The following CCNL1 variants were observed in gnomAD, a reference collection of about 807,000 sequenced individuals.
CCNL1 encodes the protein cyclin L1, also known as cyclin-L1.
CCNL1 carries 13 observed loss-of-function variants against 60.6 expected under a neutral mutation model. The ratio of observed to expected loss-of-function variants is 0.21; its 90% CI spans 0.14 to 0.34. CCNL1 has a LOEUF of 0.34. CCNL1 is among the 10% of genes least tolerant of loss of function. The pLI is 1.00. For synonymous variants in CCNL1, 270 were observed against 244.3 expected (o/e 1.10, Z -0.98); for missense variants, 481 against 664.3 (o/e 0.72, Z 3.03).
chr3:157,156,890 A>G (rs1738669252), intron 3 of CCNL1: 6 of 1,279,340 alleles, frequency 4.7e-6, no homozygotes, highest in Middle Eastern at 2.3e-4. Flanking sequence ...ACAAAAGCTT[A>G]TAACAAGAAA....
chr3:157,144,474 T>C (rs529435019), downstream of CCNL1, among the ~76,000 whole-genome samples: 66 of 152,346 alleles, frequency 4.3e-4, 1 homozygote, highest in South Asian at 0.013. Flanking sequence ...AGGAATGATT[T>C]AAAATGCAGA....
intron 3 of CCNL1, chr3:157,153,452 T>C: frequency 4.2e-6 from 1 of 238,086 alleles, no homozygotes; most frequent in East Asian, 1.1e-4. Context: ...TAGGTGTGTA[T>C]ATATATGTAT....
rs2108106263 is a variant in CCNL1, at chr3:157,147,765, A to C, written c.*476T>G. ...TTTGCTATTAAAATTTTCCTTTTTA[A>C]TAATTTATTTAAATAAGGTATTTGA... On this transcript the variant is annotated 3_prime_UTR_variant, in exon 11 of 11. Coordinates refer to ENST00000295926, the MANE Select transcript of CCNL1 (RefSeq NM_020307.4). 1.0e-6 allele frequency: 1 copy of C among 980,538 alleles called. No homozygotes were observed. The highest frequency in any genetic ancestry group is 1.7e-5 in the African/African-American group (1 of 57,288). 60.7% of individuals were successfully genotyped at this position (980,538 alleles called of 1,614,324 possible). A position where few individuals can be genotyped will look rare whatever the true frequency, so the allele number is the denominator to read the frequency against.
chr3:157,149,251 A>G, intron 10 of CCNL1, 36 bp downstream of exon 10: 10 of 1,497,124 alleles, frequency 6.7e-6, no homozygotes, highest in Non-Finnish European at 9.3e-6. Flanking sequence ...TAAAAACTCC[A>G]AATAAGACTG....
rs984174646 is a variant in CCNL1 at position 157,155,898 on chromosome 3, CACAA to C, written c.489-2746_489-2743del. On this transcript the variant is annotated intron_variant, in intron 3 of 10. Coordinates refer to ENST00000295926, the MANE Select transcript of CCNL1 (RefSeq NM_020307.4). The stretch of plus-strand genomic sequence containing the variant: ...TCAAAAATAATTTTCATTATCAACA[CACAA>C]ACTAACTCAATCTCTGCTTTAAGTT... Among the ~76,000 whole-genome samples the C allele has an allele frequency of 1.4e-4, 21 of 152,286 alleles. No individual in the cohort carries two copies. The South Asian group carries it at 2.7e-3, about 20-fold the overall frequency.
At chr3:157,158,018 T>C (rs1456509724) in intron 3 of CCNL1, among the ~76,000 whole-genome samples, 1 of 152,226 alleles carries the variant, frequency 6.6e-6, no homozygotes, top group African/African-American at 2.4e-5. Context: ...AAAGAGTGAA[T>C]GCAAAAACTA....
chr3:157,154,506 A>G (rs893259492), intron 3 of CCNL1: 1 of 152,218 alleles, frequency 6.6e-6, no homozygotes, highest in African/African-American at 2.4e-5. Flanking sequence ...AATGCACACC[A>G]GATCCAGAAA....
Position 157,149,392 on chromosome 3 carries a change from A to C in CCNL1, c.1134-7T>G. 1 of 1,613,360 alleles carries C rather than the reference A, an allele frequency of 6.2e-7. No homozygotes were observed. The highest frequency in any genetic ancestry group is 8.5e-7 in the Non-Finnish European group (1 of 1,179,346). On this transcript the variant is annotated splice_region_variant and splice_polypyrimidine_tract_variant and intron_variant, in intron 9 of 10. Coordinates refer to ENST00000295926, the MANE Select transcript of CCNL1 (RefSeq NM_020307.4). ...CTTGCTGTCTTTTCTTACACTTCAA[A>C]AAATCATGACATATTAGTTACAAAC...
Position 157,147,640 on chromosome 3 carries a change from T to TA in CCNL1, c.*600dup, listed in dbSNP as rs1193573508. On this transcript the variant is annotated 3_prime_UTR_variant, in exon 11 of 11. Transcript: ENST00000295926. ...TTTTTCCATATATACAGTGAAGACT[T>TA]ACAATAGCTCACAATGCAGTTAAGA... 3 of 984,962 alleles carry TA rather than the reference T, an allele frequency of 3.0e-6. No homozygotes were observed. Among genetic ancestry groups the TA allele is most frequent in the Admixed American group, 6.2e-5 (1 of 16,254 alleles). The allele number at this position is 984,962 out of a possible 1,614,324, so 61.0% of individuals were successfully genotyped here. A position where few individuals can be genotyped will look rare whatever the true frequency, so the allele number is the denominator to read the frequency against.
intron 2 of CCNL1, 114 bp downstream of exon 2, chr3:157,159,291 A>C: frequency 1.1e-6 from 1 of 914,054 alleles, no homozygotes; most frequent in Non-Finnish European, 1.7e-6. Flanking sequence ...AGAAGTAGGT[A>C]CAAAGGCCTA....
downstream of CCNL1, among the ~76,000 whole-genome samples, chr3:157,145,299 G>C (rs983766151): frequency 6.6e-6 from 1 of 151,852 alleles, no homozygotes; most frequent in Non-Finnish European, 1.5e-5. Flanking sequence ...TAGCCAGGGC[G>C]TGGTGGCAGG....
Position 157,159,935 on chromosome 3 carries a change from T to C in CCNL1, c.160A>G (p.Ile54Val). 1.2e-6 allele frequency: 2 copies of C among 1,606,208 alleles called. No homozygotes were observed. The highest frequency in any genetic ancestry group is 1.7e-6 in the Non-Finnish European group (2 of 1,176,340). The change falls in exon 1 of 11, where the codon ATC becomes GTC. Residue 54 changes from isoleucine (I) to valine (V), a missense_variant. Around this residue, in one of 5 missense-constraint regions of CCNL1, gnomAD observed 130 missense variants for 174.5 expected, o/e 0.75. Coordinates refer to ENST00000295926, the MANE Select transcript of CCNL1 (RefSeq NM_020307.4). ...TCCTCCGGAATCAGAGAGTGGTCGA[T>C]GGTAAGTGAAACTTCCGAGTACAGG... ...DRLYSEVSLT[I>V]DHSLIPEERL...
In CCNL1 at chr3:157,148,116, A is replaced by T; in HGVS notation, c.*125T>A. 1 of 1,443,110 alleles carries T rather than the reference A, an allele frequency of 6.9e-7. No individual in the cohort carries two copies. The allele number at this position is 1,443,110 out of a possible 1,614,324, so 89.4% of individuals were successfully genotyped here. A position where few individuals can be genotyped will look rare whatever the true frequency, so the allele number is the denominator to read the frequency against. On this transcript the variant is annotated 3_prime_UTR_variant, in exon 11 of 11. Coordinates refer to ENST00000295926, the MANE Select transcript of CCNL1 (RefSeq NM_020307.4). ...AAAGAAACTGTCCTCAGTGTTCTAG[A>T]GACCTAGAGGGTTTCAAGAAATCAA... is the stretch of plus-strand genomic sequence containing the variant.
chr3:157,149,932 C>T lies in CCNL1; in HGVS notation c.925G>A (p.Ala309Thr), dbSNP rs575234316. 3.1e-6 allele frequency: 5 copies of T among 1,613,882 alleles called. No individual in the cohort carries two copies. The South Asian group carries it at 5.5e-5, about 18-fold the overall frequency. ...LEKEVEKRKVALQEAKLKAKG... is the reference protein window; with the variant it reads ...LEKEVEKRKVTLQEAKLKAKG... ...GCTTTTAATTTGGCTTCTTGTAAGG[C>T]TACTTTTCTTTTTTCTACTTCTTTT... The change falls in exon 8 of 11, where the codon GCC becomes ACC. Residue 309 changes from alanine to threonine, a missense_variant. Transcript: ENST00000295926.
intron 4 of CCNL1, chr3:157,152,665 A>G (rs1166693548): frequency 9.3e-7 from 1 of 1,078,450 alleles, no homozygotes. Context: ...AGCAGCCAAC[A>G]CACTTAGAAC....
Position 157,150,324 on chromosome 3 carries a change from A to G in CCNL1, c.732T>C (p.Thr244=), listed in dbSNP as rs746405675. Residue 244 remains threonine, a synonymous_variant, in exon 6 of 11, where the codon ACT becomes ACC. Coordinates refer to ENST00000295926, the MANE Select transcript of CCNL1 (RefSeq NM_020307.4). Reference sequence around the variant, plus strand: ...CAAGGTAGATGCAAGCACATGCTATAGTCTCTGGTTGAAATCGAACAAACA... The same window carrying G: ...CAAGGTAGATGCAAGCACATGCTATGGTCTCTGGTTGAAATCGAACAAACA... ...TNVFVRFQPE[T]IACACIYLAA... is the part of the protein sequence containing the mutation. 1.2e-6 allele frequency: 2 copies of G among 1,614,052 alleles called. No homozygotes were observed. The highest frequency in any genetic ancestry group is 1.7e-6 in the Non-Finnish European group (2 of 1,179,928).
At chr3:157,150,522 C>T in intron 5 of CCNL1, 141 bp from the exon 6 acceptor site, 1 of 1,393,520 alleles carries the variant, frequency 7.2e-7, no homozygotes, top group Non-Finnish European at 9.4e-7. Context: ...CATATAACAA[C>T]TCTTAACTCA....
Position 157,150,549 on chromosome 3 carries a change from A to G in CCNL1, c.675-168T>C, listed in dbSNP as rs569786752. The G allele has an allele frequency of 4.5e-4, 617 of 1,373,502 alleles. 11 individuals are homozygous for G. The South Asian group carries it at 9.8e-3, about 22-fold the overall frequency. 85.1% of individuals were successfully genotyped at this position (1,373,502 alleles called of 1,614,324 possible). A position where few individuals can be genotyped will look rare whatever the true frequency, so the allele number is the denominator to read the frequency against. On this transcript the variant is annotated intron_variant, in intron 5 of 10. Transcript: ENST00000295926. The stretch of plus-strand genomic sequence containing the variant: ...CTTAACTCAAAAAAATCAGTAAGCA[A>G]TAAGAATTTAATACTAGGACCATAT...
chr3:157,156,886 G>A (rs1738668985), intron 3 of CCNL1: 2 of 1,275,878 alleles, frequency 1.6e-6, no homozygotes, highest in Admixed American at 4.8e-5. Flanking sequence ...AAAGACAAAA[G>A]CTTATAACAA....
Sources: gnomAD v4.1 joint callset for allele counts (sites outside exome capture counted in the v4.1 genomes callset) on GRCh38, gnomAD v4.1.1 for gene constraint, gnomAD v4.1.1 regional missense constraint, MANE v1.5 for transcripts, NCBI Gene and HGNC (gene_info 2026-07-23, HGNC 2026-07-21) for gene names.